FYCO1: variants seen among roughly 807,000 people sequenced by gnomAD.
FYCO1 encodes the protein FYVE and coiled-coil domain autophagy adaptor 1.
Under a neutral mutation model 165.1 loss-of-function variants are expected in FYCO1, and 122 were observed. The ratio of observed to expected loss-of-function variants is 0.74; its 90% CI spans 0.64 to 0.86. FYCO1 has a LOEUF of 0.86. FYCO1 is among the 40% of genes least tolerant of loss of function. The probability of loss-of-function intolerance (pLI) is 0.00; values close to 1 mark genes in which losing one functional copy is unlikely to be tolerated. For synonymous variants in FYCO1, 648 were observed against 742.5 expected (o/e 0.87, Z 2.07); for missense variants, 1,702 against 1,810.3 (o/e 0.94, Z 1.09).
intron 14 of FYCO1, chr3:45,946,326 G>C: frequency 1.6e-6 from 1 of 639,128 alleles, no homozygotes. Context: ...ATACTGGACT[G>C]TGCTGTTTCT....
chr3:45,973,510 T>C (rs1217782650), intron 5 of FYCO1, among the ~76,000 whole-genome samples: 2 of 152,310 alleles, frequency 1.3e-5, no homozygotes, highest in East Asian at 1.9e-4. Context: ...AAACATCAAT[T>C]ATTTGCCAAG....
intron 1 of FYCO1, among the ~76,000 whole-genome samples, chr3:45,990,375 C>T (rs1251058406): frequency 6.6e-6 from 1 of 152,114 alleles, no homozygotes; most frequent in African/African-American, 2.4e-5. Flanking sequence ...ATAACATATA[C>T]CCCAATAAAA....
At chr3:45,994,194 T>A (rs1044977968) in intron 1 of FYCO1, among the ~76,000 whole-genome samples, 1 of 149,990 alleles carries the variant, frequency 6.7e-6, no homozygotes, top group Non-Finnish European at 1.5e-5. Context: ...TGCCTGAGAC[T>A]GTTACCAATC....
chr3:45,938,790 C>G (rs573273400), intron 14 of FYCO1, among the ~76,000 whole-genome samples: 1 of 152,344 alleles, frequency 6.6e-6, no homozygotes, highest in South Asian at 2.1e-4. Context: ...CTGAGGCCAG[C>G]CTCGAGGCTC....
intron 1 of FYCO1, among the ~76,000 whole-genome samples, chr3:45,985,517 G>T (rs964841994): frequency 3.3e-5 from 5 of 152,186 alleles, no homozygotes; most frequent in African/African-American, 1.2e-4. Flanking sequence ...TGGGGGAGAG[G>T]ATGAGGACAC....
chr3:45,922,827 T>C (rs539441332), intron 17 of FYCO1, among the ~76,000 whole-genome samples: 2 of 152,204 alleles, frequency 1.3e-5, no homozygotes, highest in African/African-American at 2.4e-5. Flanking sequence ...GTACCCATGC[T>C]GGGGATGTGA....
At chr3:45,958,716 TC>T in intron 12 of FYCO1, 97 bp from the exon 13 acceptor site, 1 of 1,161,346 alleles carries the variant, frequency 8.6e-7, no homozygotes, top group Non-Finnish European at 1.3e-6. Flanking sequence ...CATGTGACTC[TC>T]ATCAGACCTG....
At chr3:45,938,088 T>C (rs1559444594) in intron 14 of FYCO1, 3 of 519,888 alleles carry the variant, frequency 5.8e-6, no homozygotes, top group African/African-American at 3.9e-5. Flanking sequence ...TACTTGGTTC[T>C]CCCAATTTTC....
chr3:45,947,271 A>G (rs769971965), intron 14 of FYCO1: 1 of 1,614,154 alleles, frequency 6.2e-7, no homozygotes, highest in South Asian at 1.1e-5. Context: ...CTATGCCATG[A>G]CCAGCTTTCA....
intron 1 of FYCO1, among the ~76,000 whole-genome samples, chr3:45,994,127 T>G (rs1707684536): frequency 6.6e-6 from 1 of 151,742 alleles, no homozygotes; most frequent in Non-Finnish European, 1.5e-5. Flanking sequence ...ATTATACTGG[T>G]GCTCCAAACC....
chr3:45,978,860 T>C (rs934906502), intron 4 of FYCO1, among the ~76,000 whole-genome samples: 3 of 148,098 alleles, frequency 2.0e-5, no homozygotes, highest in African/African-American at 7.5e-5. Flanking sequence ...GTTCTGGAGT[T>C]TTTTTTTTTT....
intron 14 of FYCO1, among the ~76,000 whole-genome samples, chr3:45,941,499 TA>T (rs1021925234): frequency 6.6e-6 from 1 of 152,216 alleles, no homozygotes; most frequent in African/African-American, 2.4e-5. Flanking sequence ...TTAAAACAAT[TA>T]ACACTATAAA....
chr3:45,935,759 T>A (rs1559443287), intron 15 of FYCO1, among the ~76,000 whole-genome samples: 1 of 152,238 alleles, frequency 6.6e-6, no homozygotes, highest in African/African-American at 2.4e-5. Flanking sequence ...CAACCCCTGC[T>A]GGAATATAAG....
chr3:45,962,200 G>C lies in FYCO1; in HGVS notation c.3437+25C>G. ...AAACCCCAGTGTGGGGAAAACCCCA[G>C]CTGCTGGTTTGACACAGCACTCACC... On this transcript the variant is annotated intron_variant, in intron 11 of 17. Coordinates refer to ENST00000296137, the MANE Select transcript of FYCO1 (RefSeq NM_024513.4). This position sits in a 1 kb window ranked among gnomAD's most constrained non-coding sequence, Gnocchi z 4.4. 1.9e-6 allele frequency: 3 copies of C among 1,613,462 alleles called. No individual in the cohort carries two copies. Among genetic ancestry groups the C allele is most frequent in the Non-Finnish European group, 2.5e-6 (3 of 1,179,374 alleles).
Position 45,985,772 on chromosome 3 carries a change from C to T in FYCO1, c.-112-750G>A, listed in dbSNP as rs191242324. On this transcript the variant is annotated intron_variant, in intron 1 of 17. Transcript: ENST00000296137. ...TGAGTTATCAGCCCTACATGGGCAG[C>T]TGTTGAAGTGATTTACCCGTAGGGC... Among the ~76,000 whole-genome samples, 196 of 152,370 alleles carry T rather than the reference C, an allele frequency of 1.3e-3. 1 individual carries two copies. Among genetic ancestry groups the T allele is most frequent in the Middle Eastern group, 0.01 (3 of 294 alleles).
In FYCO1 at chr3:45,972,409, T is replaced by C. The variant is rs1168047395; in HGVS notation, c.539+679A>G. Among the ~76,000 whole-genome samples the C allele has an allele frequency of 2.0e-5, 3 of 152,204 alleles. No individual in the cohort carries two copies. In the East Asian group the frequency reaches 5.8e-4, roughly 29 times the overall value. On this transcript the variant is annotated intron_variant, in intron 6 of 17. Transcript: ENST00000296137. Reference sequence around the variant, plus strand: ...ACATGAAGTATTTCCTAATAAAAAATATGAATGTTAAATTTTAAAAGCCTT... The same window carrying C: ...ACATGAAGTATTTCCTAATAAAAAACATGAATGTTAAATTTTAAAAGCCTT...
chr3:45,981,063 T>C (rs985622520), intron 3 of FYCO1, among the ~76,000 whole-genome samples: 5 of 152,164 alleles, frequency 3.3e-5, no homozygotes, highest in Non-Finnish European at 7.4e-5. Context: ...ATACTACAAA[T>C]AAGCTCCCAG....
chr3:45,949,450 C>T (rs1002269257), intron 14 of FYCO1, among the ~76,000 whole-genome samples: 5 of 152,190 alleles, frequency 3.3e-5, no homozygotes, highest in Non-Finnish European at 5.9e-5. Flanking sequence ...CAGGGCCCTG[C>T]AGCATTTCCA....
chr3:45,959,647 A>G, intron 11 of FYCO1, 105 bp from the exon 12 acceptor site: 2 of 1,250,828 alleles, frequency 1.6e-6, no homozygotes, highest in Non-Finnish European at 1.1e-6. Context: ...TAAGTCATAG[A>G]AAGAAAATTC....
Sources: gnomAD v4.1 joint callset for allele counts (sites outside exome capture counted in the v4.1 genomes callset) on GRCh38, gnomAD v4.1.1 for gene constraint, Gnocchi (gnomAD v3.1) non-coding constraint, MANE v1.5 for transcripts, NCBI Gene and HGNC (gene_info 2026-07-23, HGNC 2026-07-21) for gene names.